Variants in LPP observed in about 807,000 individuals in gnomAD.
The protein encoded by LPP is lipoma-preferred partner.
A neutral mutation model predicts 60.4 loss-of-function variants in LPP; 38 were observed. The observed-to-expected ratio is 0.63, with a 90% CI of 0.49 to 0.83. The LOEUF (loss-of-function observed/expected upper bound fraction) is 0.83, where lower values mean the gene tolerates loss of function less well. Among genes scored for constraint, LPP ranks in the 40% least tolerant of loss-of-function variants. The pLI, the probability that LPP is intolerant of heterozygous loss-of-function variation, is 0.00. For missense variants in LPP, 902 were observed against 783.6 expected (o/e 1.15, Z -1.80); for synonymous variants, 328 against 290.8 (o/e 1.13, Z -1.30).
chr3:188,238,455 C>T (rs900905760), intron 2 of LPP, among the ~76,000 whole-genome samples: 2 of 152,092 alleles, frequency 1.3e-5, no homozygotes, highest in African/African-American at 4.8e-5. Flanking sequence ...TTTGACATGC[C>T]TTCCTCACTA....
At chr3:188,410,703 C>T (rs940158813) in intron 4 of LPP, among the ~76,000 whole-genome samples, 3 of 152,088 alleles carry the variant, frequency 2.0e-5, no homozygotes, top group Non-Finnish European at 4.4e-5. Flanking sequence ...TTTGTGCTTA[C>T]GAACTCATAC....
chr3:188,292,153 T>C (rs569882912), intron 2 of LPP, among the ~76,000 whole-genome samples: 1 of 152,338 alleles, frequency 6.6e-6, no homozygotes, highest in East Asian at 1.9e-4. Flanking sequence ...CTTGCTTTAA[T>C]GAACAAGAGA....
chr3:188,478,743 GT>G (rs1327987494), intron 4 of LPP, among the ~76,000 whole-genome samples: 7 of 151,912 alleles, frequency 4.6e-5, no homozygotes, highest in Non-Finnish European at 8.8e-5. Flanking sequence ...TTACTATATA[GT>G]TTTTTGTTTT....
intron 1 of LPP, among the ~76,000 whole-genome samples, chr3:188,161,444 T>A (rs1413893683): frequency 6.6e-6 from 1 of 152,218 alleles, no homozygotes; most frequent in Non-Finnish European, 1.5e-5. Flanking sequence ...TTATCCATCT[T>A]GGCTGGGGAA....
intron 6 of LPP, among the ~76,000 whole-genome samples, chr3:188,560,687 CT>C (rs1418962342): frequency 6.6e-6 from 1 of 151,998 alleles, no homozygotes; most frequent in Non-Finnish European, 1.5e-5. Flanking sequence ...TCTATGTTTT[CT>C]TCTTTTTATG....
At chr3:188,707,498 C>T (rs1343533902) in intron 7 of LPP, among the ~76,000 whole-genome samples, 1 of 152,230 alleles carries the variant, frequency 6.6e-6, no homozygotes, top group Non-Finnish European at 1.5e-5. Context: ...CCCATTTCAA[C>T]ACCAACCCAG....
chr3:188,730,238 G>A (rs925259673), intron 8 of LPP, among the ~76,000 whole-genome samples: 4 of 152,092 alleles, frequency 2.6e-5, no homozygotes, highest in Admixed American at 1.3e-4. Context: ...TGTTTACCAT[G>A]GAAAGGACCT....
intron 2 of LPP, among the ~76,000 whole-genome samples, chr3:188,328,274 C>G (rs1269528122): frequency 6.6e-6 from 1 of 152,104 alleles, no homozygotes; most frequent in Non-Finnish European, 1.5e-5. Context: ...ATTGAGTCTC[C>G]TATGATTTTG....
At chr3:188,248,301 G>A (rs1428664649) in intron 2 of LPP, among the ~76,000 whole-genome samples, 3 of 151,768 alleles carry the variant, frequency 2.0e-5, no homozygotes, top group Admixed American at 6.6e-5. Flanking sequence ...TTCTTTTTAT[G>A]CTTCTAGGAA....
intron 8 of LPP, among the ~76,000 whole-genome samples, chr3:188,756,133 C>A (rs1207488125): frequency 6.6e-6 from 1 of 152,116 alleles, no homozygotes; most frequent in Non-Finnish European, 1.5e-5. Flanking sequence ...GGAAAGCAGG[C>A]ATTTCTGACA....
intron 1 of LPP, among the ~76,000 whole-genome samples, chr3:188,215,271 A>G (rs977705022): frequency 2.0e-5 from 3 of 151,960 alleles, no homozygotes; most frequent in Non-Finnish European, 4.4e-5. Flanking sequence ...GCCCCACTGC[A>G]CTTTAACCTG....
chr3:188,379,344 C>T (rs995218873), intron 3 of LPP, among the ~76,000 whole-genome samples: 8 of 152,138 alleles, frequency 5.3e-5, no homozygotes, highest in Non-Finnish European at 8.8e-5. Flanking sequence ...TCAATTCTTA[C>T]AACTTTCGAA....
intron 2 of LPP, among the ~76,000 whole-genome samples, chr3:188,341,063 T>A (rs1236090518): frequency 6.6e-6 from 1 of 152,214 alleles, no homozygotes; most frequent in East Asian, 1.9e-4. Flanking sequence ...CCTAAGGCCA[T>A]TGATTAAAGG....
At chr3:188,171,878 A>T (rs187190793) in intron 1 of LPP, among the ~76,000 whole-genome samples, 12 of 152,130 alleles carry the variant, frequency 7.9e-5, no homozygotes, top group Admixed American at 5.9e-4. Flanking sequence ...GTTTCATTTC[A>T]CTCTCTACCC....
intron 7 of LPP, among the ~76,000 whole-genome samples, chr3:188,674,520 G>C (rs1211691315): frequency 1.3e-5 from 2 of 152,132 alleles, no homozygotes; most frequent in African/African-American, 4.8e-5. Flanking sequence ...ACCTCAATTG[G>C]TTTTGTTAAC....
At chr3:188,210,311 C>G (rs1734359025) in intron 1 of LPP, among the ~76,000 whole-genome samples, 1 of 152,072 alleles carries the variant, frequency 6.6e-6, no homozygotes, top group African/African-American at 2.4e-5. Context: ...ACATACTCAC[C>G]TACAAAAATT....
intron 7 of LPP, among the ~76,000 whole-genome samples, chr3:188,660,894 T>G (rs1230373203): frequency 6.6e-6 from 1 of 152,178 alleles, no homozygotes; most frequent in Non-Finnish European, 1.5e-5. Context: ...ACTCTTGGTG[T>G]TGTACATGTT....
intron 3 of LPP, among the ~76,000 whole-genome samples, chr3:188,362,388 T>A (rs1769711992): frequency 6.6e-6 from 1 of 152,196 alleles, no homozygotes; most frequent in African/African-American, 2.4e-5. Context: ...CTTTACTGGA[T>A]ATCCTTTTTG....
intron 7 of LPP, among the ~76,000 whole-genome samples, chr3:188,639,592 G>C (rs1326098939): frequency 6.7e-6 from 1 of 148,874 alleles, no homozygotes; most frequent in Non-Finnish European, 1.5e-5. Flanking sequence ...CTACAAAATG[G>C]GAGAAAATTT....
Sources: gnomAD v4.1 joint callset for allele counts (sites outside exome capture counted in the v4.1 genomes callset) on GRCh38, gnomAD v4.1.1 for gene constraint, MANE v1.5 for transcripts, NCBI Gene and HGNC (gene_info 2026-07-23, HGNC 2026-07-21) for gene names.